The following SORCS1 variants were observed in gnomAD, a reference collection of about 807,000 sequenced individuals.
The protein encoded by SORCS1 is VPS10 domain-containing receptor SorCS1.
Under a neutral mutation model 146.1 loss-of-function variants are expected in SORCS1, and 60 were observed. That is an observed-to-expected ratio of 0.41 (90% confidence interval 0.33 to 0.51). The LOEUF (loss-of-function observed/expected upper bound fraction) is 0.51. Among genes scored for constraint, SORCS1 ranks in the 20% least tolerant of loss-of-function variants. The probability of loss-of-function intolerance (pLI) is 0.21; values close to 1 mark genes in which losing one functional copy is unlikely to be tolerated. For synonymous variants in SORCS1, 637 were observed against 584.0 expected (o/e 1.09, Z -1.31); for missense variants, 1,352 against 1,487.6 (o/e 0.91, Z 1.50).
At chr10:107,038,935 G>C (rs1334846411) in intron 1 of SORCS1, among the ~76,000 whole-genome samples, 1 of 151,986 alleles carries the variant, frequency 6.6e-6, no homozygotes, top group African/African-American at 2.4e-5. Context: ...AAAATAAAGA[G>C]GAGTCATTTA....
At chr10:107,086,857 G>A (rs1963801984) in intron 1 of SORCS1, among the ~76,000 whole-genome samples, 4 of 152,256 alleles carry the variant, frequency 2.6e-5, no homozygotes, top group African/African-American at 7.2e-5. Context: ...GTGAAACCTC[G>A]TCTCTAGTAA....
Position 106,583,892 on chromosome 10 carries a change from T to A in SORCS1, c.3266-4418A>T, listed in dbSNP as rs537883861. On this transcript the variant is annotated intron_variant, in intron 24 of 25. Coordinates refer to ENST00000263054, the MANE Select transcript of SORCS1 (RefSeq NM_052918.5). ...ATGGTAGCATCACCCAGTGAAGCCA[T>A]GCAGAACAATCTTATTGTTGTCCAG... is the stretch of plus-strand genomic sequence containing the variant. Among the ~76,000 whole-genome samples the A allele has an allele frequency of 3.9e-5, 6 of 152,318 alleles. 1 individual carries two copies. In the East Asian group the frequency reaches 9.7e-4, roughly 25 times the overall value.
chr10:106,638,394 GA>G (rs996049888), intron 18 of SORCS1, among the ~76,000 whole-genome samples: 11 of 148,628 alleles, frequency 7.4e-5, no homozygotes, highest in African/African-American at 1.5e-4. Flanking sequence ...TTAGAATAAA[GA>G]AAAAAAAAGG....
intron 18 of SORCS1, among the ~76,000 whole-genome samples, chr10:106,646,162 G>A (rs552569472): frequency 1.3e-5 from 2 of 152,080 alleles, no homozygotes; most frequent in African/African-American, 2.4e-5. Flanking sequence ...CTACTCAGGA[G>A]GGTGAGGCAG....
intron 24 of SORCS1, among the ~76,000 whole-genome samples, chr10:106,591,636 G>C (rs766487705): frequency 2.0e-4 from 31 of 152,150 alleles, no homozygotes; most frequent in Admixed American, 3.3e-4. Flanking sequence ...ATGATATAAA[G>C]ATATATGAAG....
At position 106,573,846 on chromosome 10, in the gene SORCS1, A is replaced by C. The variant is rs1844472279; in HGVS notation, c.*3574T>G. 6.6e-6 allele frequency: 1 copy of C among 152,512 alleles called. No homozygotes were observed. The allele number at this position is 152,512 out of a possible 1,614,324, so 9.4% of individuals were successfully genotyped here. A position where few individuals can be genotyped will look rare whatever the true frequency, so the allele number is the denominator to read the frequency against. On this transcript the variant is annotated 3_prime_UTR_variant, in exon 26 of 26. Transcript: ENST00000263054. ...GAAATCCTATACATGCAACACTTCT[A>C]TATTTAGAATGAACACCAAGGGTTT...
At chr10:106,630,802 G>A (rs1380669323) in intron 18 of SORCS1, among the ~76,000 whole-genome samples, 1 of 151,802 alleles carries the variant, frequency 6.6e-6, no homozygotes, top group Non-Finnish European at 1.5e-5. Flanking sequence ...ATTTCCCATG[G>A]GTAGGCAGAA....
chr10:106,886,449 TCA>T (rs374953418), intron 2 of SORCS1, among the ~76,000 whole-genome samples: 2 of 151,648 alleles, frequency 1.3e-5, no homozygotes, highest in Non-Finnish European at 2.9e-5. Context: ...GAATCAAACA[TCA>T]CACACACACA....
At chr10:107,076,867 A>G (rs111648850) in intron 1 of SORCS1, among the ~76,000 whole-genome samples, 227 of 152,262 alleles carry the variant, frequency 1.5e-3, no homozygotes, top group African/African-American at 3.8e-3. Context: ...GGACATTGGA[A>G]TGACTAAAAC....
At chr10:107,029,174 T>G (rs1322835541) in intron 1 of SORCS1, among the ~76,000 whole-genome samples, 1 of 152,202 alleles carries the variant, frequency 6.6e-6, no homozygotes, top group East Asian at 1.9e-4. Flanking sequence ...ATACTTCCAT[T>G]TAAGCAAATT....
chr10:107,025,653 A>T (rs1387505037), intron 1 of SORCS1, among the ~76,000 whole-genome samples: 2 of 152,234 alleles, frequency 1.3e-5, no homozygotes, highest in East Asian at 3.8e-4. Context: ...GGGTACTCCA[A>T]AGAGAATTTA....
Position 106,577,720 on chromosome 10 carries a change from C to A in SORCS1, c.3372-165G>T, listed in dbSNP as rs145314369. 2,686 of 1,346,994 alleles carry A rather than the reference C, an allele frequency of 2.0e-3. 51 individuals carry two copies. The African/African-American group carries it at 0.035, about 18-fold the overall frequency. The allele number at this position is 1,346,994 out of a possible 1,614,324, so 83.4% of individuals were successfully genotyped here. A position where few individuals can be genotyped will look rare whatever the true frequency, so the allele number is the denominator to read the frequency against. On this transcript the variant is annotated intron_variant, in intron 25 of 25. Transcript: ENST00000263054. Reference sequence around the variant, plus strand: ...TACCCTACGGAAATGCGACTGAGAACCAAACGATCCCCAAAAATGCACTTA... The same window carrying A: ...TACCCTACGGAAATGCGACTGAGAAACAAACGATCCCCAAAAATGCACTTA...
At chr10:106,843,734 C>G (rs1345158022) in intron 2 of SORCS1, among the ~76,000 whole-genome samples, 2 of 152,184 alleles carry the variant, frequency 1.3e-5, no homozygotes, top group African/African-American at 4.8e-5. Context: ...TGCACCCAGA[C>G]AAGATTTCCT....
intron 2 of SORCS1, among the ~76,000 whole-genome samples, chr10:106,905,431 T>G (rs541793977): frequency 6.6e-6 from 1 of 151,970 alleles, no homozygotes; most frequent in Non-Finnish European, 1.5e-5. Context: ...TAAAGAAAAA[T>G]TTTTAAATGT....
chr10:106,871,398 A>G (rs1250353797), intron 2 of SORCS1, among the ~76,000 whole-genome samples: 1 of 152,222 alleles, frequency 6.6e-6, no homozygotes, highest in Non-Finnish European at 1.5e-5. Context: ...GAATCCCATT[A>G]CTGGAGGAAT....
At chr10:106,796,874 C>A (rs1946586510) in intron 3 of SORCS1, among the ~76,000 whole-genome samples, 1 of 152,178 alleles carries the variant, frequency 6.6e-6, no homozygotes, top group Non-Finnish European at 1.5e-5. Context: ...CTTTGGGAGG[C>A]CAAGGCGGAT....
intron 16 of SORCS1, among the ~76,000 whole-genome samples, chr10:106,669,944 GT>G (rs778358028): frequency 7.2e-5 from 11 of 152,190 alleles, no homozygotes; most frequent in Non-Finnish European, 1.5e-5. Context: ...TGATGTGTAT[GT>G]ACACAGTATC....
chr10:106,761,017 G>C (rs1479261685), intron 5 of SORCS1, among the ~76,000 whole-genome samples: 1 of 152,012 alleles, frequency 6.6e-6, no homozygotes, highest in Non-Finnish European at 1.5e-5. Context: ...TGAGGAAGGG[G>C]AATCATTTGA....
At chr10:106,578,731 G>C in intron 25 of SORCS1, 2 of 1,101,708 alleles carry the variant, frequency 1.8e-6, no homozygotes, top group Non-Finnish European at 2.2e-6. Flanking sequence ...ACCCTGCCCA[G>C]CCCTCTGGTC....
Sources: gnomAD v4.1 joint callset for allele counts (sites outside exome capture counted in the v4.1 genomes callset) on GRCh38, gnomAD v4.1.1 for gene constraint, MANE v1.5 for transcripts, NCBI Gene and HGNC (gene_info 2026-07-23, HGNC 2026-07-21) for gene names.